Variants in TMEM161B observed in about 807,000 individuals in gnomAD.
TMEM161B encodes transmembrane protein 161B.
A neutral mutation model predicts 61.8 loss-of-function variants in TMEM161B; 34 were observed. The ratio of observed to expected loss-of-function variants is 0.55; its 90% confidence interval spans 0.42 to 0.73. The LOEUF (loss-of-function observed/expected upper bound fraction) is 0.73. Ranked by LOEUF, TMEM161B falls within the 30% of genes least tolerant of loss-of-function variation. The probability of loss-of-function intolerance (pLI) is 0.00; values close to 1 mark genes in which losing one functional copy is unlikely to be tolerated. For missense variants in TMEM161B, 456 were observed against 558.5 expected (o/e 0.82, Z 1.85); for synonymous variants, 167 against 192.8 (o/e 0.87, Z 1.11).
At chr5:88,262,768 A>G (rs1755841077) in intron 1 of TMEM161B, among the ~76,000 whole-genome samples, 2 of 152,104 alleles carry the variant, frequency 1.3e-5, no homozygotes, top group Non-Finnish European at 2.9e-5. Context: ...TAGATTCATC[A>G]ATTGTAAGAA....
At chr5:88,253,677 G>A (rs1223391389) in intron 1 of TMEM161B, among the ~76,000 whole-genome samples, 1 of 152,090 alleles carries the variant, frequency 6.6e-6, no homozygotes, top group Non-Finnish European at 1.5e-5. Context: ...TTGGAGAAAT[G>A]ACTCTGCAAC....
In TMEM161B at chr5:88,212,303, C is replaced by T. The variant is rs183560671; in HGVS notation, c.447-5123G>A. On this transcript the variant is annotated intron_variant, in intron 5 of 11. Coordinates refer to ENST00000296595, the MANE Select transcript of TMEM161B (RefSeq NM_153354.5). ...CCCACATTCATGCTTTAGCAGAAAGCGCCACCAAAACATTTTGACAAATCA... is the reference window on the plus strand; with the variant it reads ...CCCACATTCATGCTTTAGCAGAAAGTGCCACCAAAACATTTTGACAAATCA... 5.9e-5 allele frequency among the ~76,000 whole-genome samples: 9 copies of T among 152,152 alleles called. No individual in the cohort carries two copies. The East Asian group carries it at 7.7e-4, about 13-fold the overall frequency.
At chr5:88,237,204 A>AT (rs1751994166) in intron 2 of TMEM161B, among the ~76,000 whole-genome samples, 1 of 152,286 alleles carries the variant, frequency 6.6e-6, no homozygotes, top group Non-Finnish European at 1.5e-5. Context: ...TTTTTATACC[A>AT]TAAGTATTAT....
chr5:88,237,917 G>A (rs973506823), intron 2 of TMEM161B, among the ~76,000 whole-genome samples: 1 of 151,932 alleles, frequency 6.6e-6, no homozygotes, highest in East Asian at 1.9e-4. Flanking sequence ...CAGGAAAATG[G>A]CTTACTCATT....
At chr5:88,244,612 C>T (rs1353627549) in intron 1 of TMEM161B, among the ~76,000 whole-genome samples, 3 of 132,882 alleles carry the variant, frequency 2.3e-5, no homozygotes, top group Admixed American at 7.7e-5. Flanking sequence ...CTTAGGAGTG[C>T]CATAGCTATT....
chr5:88,210,534 AT>A (rs1165179899), intron 5 of TMEM161B, among the ~76,000 whole-genome samples: 21 of 152,112 alleles, frequency 1.4e-4, no homozygotes, highest in South Asian at 4.1e-4. Context: ...GAAGACTAAG[AT>A]TTTTGCCTCT....
At chr5:88,191,717 G>A (rs537568212), downstream of TMEM161B, among the ~76,000 whole-genome samples, 1 of 151,806 alleles carries the variant, frequency 6.6e-6, no homozygotes, top group African/African-American at 2.4e-5. Context: ...CAGCACTTTG[G>A]GAGGCCGAGG....
intron 1 of TMEM161B, among the ~76,000 whole-genome samples, chr5:88,254,271 A>C (rs1025112115): frequency 1.3e-5 from 2 of 152,210 alleles, no homozygotes; most frequent in Non-Finnish European, 2.9e-5. Context: ...TTGAAAAACT[A>C]GGTCAACGTT....
At chr5:88,242,824 A>G (rs1487819711) in intron 1 of TMEM161B, among the ~76,000 whole-genome samples, 1 of 151,740 alleles carries the variant, frequency 6.6e-6, no homozygotes, top group African/African-American at 2.4e-5. Flanking sequence ...GCAGTCTCCT[A>G]AATGATAAAA....
At chr5:88,198,928 C>A in intron 10 of TMEM161B, 48 bp downstream of exon 10, 29 of 1,396,638 alleles carry the variant, frequency 2.1e-5, no homozygotes, top group East Asian at 4.9e-5. Context: ...TTTTTTTTTA[C>A]AGTGCGGTTT....
chr5:88,257,918 G>C (rs772161105), intron 1 of TMEM161B, among the ~76,000 whole-genome samples: 2 of 152,070 alleles, frequency 1.3e-5, no homozygotes, highest in Non-Finnish European at 2.9e-5. Context: ...TTTTAAAAAA[G>C]ATCTATCTCT....
downstream of TMEM161B, among the ~76,000 whole-genome samples, chr5:88,194,009 T>C (rs2112306569): frequency 6.6e-6 from 1 of 152,294 alleles, no homozygotes; most frequent in East Asian, 1.9e-4. Context: ...ATGTTTTATT[T>C]TAGTTTCAGG....
intron 2 of TMEM161B, among the ~76,000 whole-genome samples, chr5:88,240,179 T>C (rs1173752820): frequency 6.6e-6 from 1 of 151,732 alleles, no homozygotes; most frequent in Admixed American, 6.6e-5. Flanking sequence ...GTAGACAAAA[T>C]TAAAATCCCA....
chr5:88,220,961 A>T (rs1450863527), intron 4 of TMEM161B, among the ~76,000 whole-genome samples: 3 of 152,164 alleles, frequency 2.0e-5, no homozygotes, highest in African/African-American at 7.2e-5. Context: ...AAGATTACCA[A>T]AAGTTATTTA....
In TMEM161B at chr5:88,265,157, G is replaced by C. The variant is rs141544514; in HGVS notation, c.3+3564C>G. On this transcript the variant is annotated intron_variant, in intron 1 of 11. Transcript: ENST00000296595. ...AACTTTATGCTACCCCAAATTATCAGCGCAGAGAAGTGTTTTTTATCAAGT... is the reference window on the plus strand; with the variant it reads ...AACTTTATGCTACCCCAAATTATCACCGCAGAGAAGTGTTTTTTATCAAGT... Among the ~76,000 whole-genome samples the C allele has an allele frequency of 1.6e-4, 24 of 152,230 alleles. No individual in the cohort carries two copies. The East Asian group carries it at 1.9e-3, about 12-fold the overall frequency.
chr5:88,238,673 A>C (rs1398142486), intron 2 of TMEM161B, among the ~76,000 whole-genome samples: 2 of 152,024 alleles, frequency 1.3e-5, no homozygotes, highest in Non-Finnish European at 1.5e-5. Flanking sequence ...GTCATTTCTG[A>C]TCAGTAATAT....
At position 88,201,791 on chromosome 5, in the gene TMEM161B, T is replaced by C. The variant is rs3097145; in HGVS notation, c.914+1171A>G. 747 of 161,878 alleles carry C rather than the reference T, an allele frequency of 4.6e-3. 5 individuals are homozygous for C. Among genetic ancestry groups the C allele is most frequent in the Non-Finnish European group, 7.1e-3 (522 of 73,688 alleles). 10.0% of individuals were successfully genotyped at this position (161,878 alleles called of 1,614,324 possible). On this transcript the variant is annotated intron_variant, in intron 9 of 11. Coordinates refer to ENST00000296595, the MANE Select transcript of TMEM161B (RefSeq NM_153354.5). ...TCAAGTTAAATTACCATTAAGGTAA[T>C]TAGTGTGTGTCGGCGGCGGGGAAGC...
downstream of TMEM161B, among the ~76,000 whole-genome samples, chr5:88,188,932 G>A (rs185378448): frequency 5.5e-4 from 84 of 152,110 alleles, no homozygotes; most frequent in African/African-American, 2.0e-3. Flanking sequence ...CTTCCTCCTC[G>A]TCTTCAGACA....
rs115483226 is a variant in TMEM161B at position 88,198,963 on chromosome 5, G to A, written c.1089+13C>T. The A allele has an allele frequency of 6.2e-7, 1 of 1,605,112 alleles. No individual in the cohort carries two copies. The highest frequency in any genetic ancestry group is 1.1e-5 in the South Asian group (1 of 90,070). The stretch of plus-strand genomic sequence containing the variant: ...TTTGCTATTTTTCATTTTGACTAGG[G>A]TATAAAACTTACCATTTTCTGTAGC... On this transcript the variant is annotated intron_variant, in intron 10 of 11. Coordinates refer to ENST00000296595, the MANE Select transcript of TMEM161B (RefSeq NM_153354.5).
Sources: allele counts gnomAD v4.1 joint callset (sites outside exome capture counted in the v4.1 genomes callset), GRCh38; gene constraint gnomAD v4.1.1; transcripts MANE v1.5; gene names NCBI Gene and HGNC (gene_info 2026-07-23, HGNC 2026-07-21).